ABHD13: variants seen among roughly 807,000 people sequenced by gnomAD.
The protein encoded by ABHD13 is abhydrolase domain containing 13.
Under a neutral mutation model 25.2 loss-of-function variants are expected in ABHD13, and 7 were observed. The ratio of observed to expected loss-of-function variants is 0.28; its 90% CI spans 0.16 to 0.52. ABHD13 has a LOEUF of 0.52. ABHD13 is among the 20% of genes least tolerant of loss of function. The pLI is 0.96. For missense variants in ABHD13, 302 were observed against 402.7 expected (o/e 0.75, Z 2.14); for synonymous variants, 133 against 136.1 (o/e 0.98, Z 0.16).
rs1328924618 is a variant in ABHD13, at chr13:108,227,322, G to T, written c.-20-1877G>T. ...TATGTAATTAGATTATTTTAAAAAT[G>T]TTTTAGTCGTAAGTATATATAAAGT... On this transcript the variant is annotated intron_variant, in intron 1 of 1. Coordinates refer to ENST00000375898, the MANE Select transcript of ABHD13 (RefSeq NM_032859.3). 3.3e-5 allele frequency among the ~76,000 whole-genome samples: 5 copies of T among 151,938 alleles called. No individual in the cohort carries two copies. The South Asian group carries it at 8.3e-4, about 25-fold the overall frequency.
chr13:108,220,978 A>T (rs920440767), intron 1 of ABHD13, among the ~76,000 whole-genome samples: 3 of 152,260 alleles, frequency 2.0e-5, no homozygotes, highest in Admixed American at 2.0e-4. Flanking sequence ...TTATAATCTC[A>T]GAACAAATTG....
At chr13:108,221,511 C>T (rs374885816) in intron 1 of ABHD13, among the ~76,000 whole-genome samples, 2 of 152,114 alleles carry the variant, frequency 1.3e-5, no homozygotes, top group Non-Finnish European at 2.9e-5. Context: ...ATGTGGATGT[C>T]GGCATTGACA....
chr13:108,229,434 C>T lies in ABHD13; in HGVS notation c.216C>T (p.Ser72=), dbSNP rs142014790. 10 of 1,612,960 alleles carry T rather than the reference C, an allele frequency of 6.2e-6. No individual in the cohort carries two copies. The African/African-American group carries it at 1.2e-4, about 19-fold the overall frequency. ...DVLLYFPEQP[S]SSRLYVPMPT... ...TGCTTTATTTTCCAGAACAGCCATC[C>T]TCTTCACGTCTTTATGTTCCCATGC... The change falls in exon 2 of 2, where the codon TCC becomes TCT. Residue 72 remains serine (S), a synonymous_variant. Coordinates refer to ENST00000375898, the MANE Select transcript of ABHD13 (RefSeq NM_032859.3). This position sits in a 1 kb window ranked among gnomAD's most constrained non-coding sequence, Gnocchi z 4.7.
intron 1 of ABHD13, among the ~76,000 whole-genome samples, chr13:108,222,694 G>C (rs940790795): frequency 3.3e-5 from 5 of 152,104 alleles, no homozygotes; most frequent in African/African-American, 1.2e-4. Flanking sequence ...AGTTTATAAA[G>C]TGTATAAATT....
At chr13:108,221,492 T>G (rs1042605927) in intron 1 of ABHD13, among the ~76,000 whole-genome samples, 1 of 152,214 alleles carries the variant, frequency 6.6e-6, no homozygotes, top group Non-Finnish European at 1.5e-5. Flanking sequence ...GTCCTCATTC[T>G]CTGCTGGGAT....
chr13:108,227,294 G>C (rs1594490915), intron 1 of ABHD13, among the ~76,000 whole-genome samples: 1 of 151,696 alleles, frequency 6.6e-6, no homozygotes, highest in African/African-American at 2.4e-5. Flanking sequence ...TGAATAATTC[G>C]TATATGTAAT....
Position 108,230,328 on chromosome 13 carries a change from G to A in ABHD13, c.*96G>A. On this transcript the variant is annotated 3_prime_UTR_variant, in exon 2 of 2. Coordinates refer to ENST00000375898, the MANE Select transcript of ABHD13 (RefSeq NM_032859.3). ...TGTGTTATGTCTGTACCTGTCTGAA[G>A]AGTGACATTAAACTTTGAAAGGACT... The A allele has an allele frequency of 9.1e-7, 1 of 1,097,438 alleles. No homozygotes were observed. The highest frequency in any genetic ancestry group is 1.3e-6 in the Non-Finnish European group (1 of 788,000). 68.0% of individuals were successfully genotyped at this position (1,097,438 alleles called of 1,614,324 possible).
intron 1 of ABHD13, among the ~76,000 whole-genome samples, chr13:108,220,502 GC>G (rs1879545104): frequency 6.6e-6 from 1 of 152,140 alleles, no homozygotes; most frequent in South Asian, 2.1e-4. Flanking sequence ...TTGTTTAGTT[GC>G]CCCAGGAAAG....
chr13:108,219,731 G>A (rs1026198954), intron 1 of ABHD13, among the ~76,000 whole-genome samples: 2 of 152,200 alleles, frequency 1.3e-5, no homozygotes, highest in African/African-American at 4.8e-5. Flanking sequence ...GTGTAAGCAG[G>A]TTAATTACGC....
In ABHD13 at chr13:108,229,422, A is replaced by G; in HGVS notation, c.204A>G (p.Pro68=). Residue 68 remains proline, a synonymous_variant, in exon 2 of 2, where the codon CCA becomes CCG. Transcript: ENST00000375898. This position sits in a 1 kb window ranked among gnomAD's most constrained non-coding sequence, Gnocchi z 4.7. ...TCCAGGATGTATTGCTTTATTTTCC[A>G]GAACAGCCATCCTCTTCACGTCTTT... The part of the protein sequence containing the change: ...YKFQDVLLYF[P]EQPSSSRLYV... The G allele has an allele frequency of 1.2e-6, 2 of 1,612,664 alleles. No homozygotes were observed. Among genetic ancestry groups the G allele is most frequent in the Non-Finnish European group, 1.7e-6 (2 of 1,179,290 alleles).
intron 1 of ABHD13, among the ~76,000 whole-genome samples, chr13:108,227,713 T>C (rs1009538994): frequency 6.6e-6 from 1 of 152,058 alleles, no homozygotes; most frequent in Admixed American, 6.6e-5. Context: ...TTATTAATCT[T>C]ACTTGATACT....
rs1245201570 is a variant in ABHD13 at position 108,229,707 on chromosome 13, A to C, written c.489A>C (p.Glu163Asp). Residue 163 changes from glutamate to aspartate, a missense_variant, in exon 2 of 2, where the codon GAA becomes GAC. Coordinates refer to ENST00000375898, the MANE Select transcript of ABHD13 (RefSeq NM_032859.3). The surrounding 1 kb of genome is among the most constrained non-coding windows in gnomAD (Gnocchi z 4.7). ...YGKSEGEASE[E>D]GLYLDSEAVL... is the part of the protein sequence containing the mutation. ...AAAGTGAAGGAGAAGCAAGTGAAGA[A>C]GGACTCTACTTAGATTCTGAAGCTG... 6.2e-7 allele frequency: 1 copy of C among 1,613,264 alleles called. No homozygotes were observed. The highest frequency in any genetic ancestry group is 8.5e-7 in the Non-Finnish European group (1 of 1,179,558).
chr13:108,219,167 G>A (rs1038574137), intron 1 of ABHD13, among the ~76,000 whole-genome samples: 1 of 152,036 alleles, frequency 6.6e-6, no homozygotes. Context: ...ATCTAATCAC[G>A]ACAGTAACAG....
Position 108,230,214 on chromosome 13 carries a change from T to A in ABHD13, c.996T>A (p.Ser332=), listed in dbSNP as rs1192873099. The A allele has an allele frequency of 5.0e-6, 8 of 1,595,386 alleles. No individual in the cohort carries two copies. The highest frequency in any genetic ancestry group is 6.8e-6 in the Non-Finnish European group (8 of 1,171,540). The change falls in exon 2 of 2, where the codon TCT becomes TCA. Residue 332 remains serine, a synonymous_variant. Coordinates refer to ENST00000375898, the MANE Select transcript of ABHD13 (RefSeq NM_032859.3). ...HSPEEMAKTS[S]NVTII ...CTGAAGAAATGGCAAAAACTTCATC[T>A]AATGTAACAATTATATAATGTTTCC...
At chr13:108,224,457 G>A (rs1424569227) in intron 1 of ABHD13, among the ~76,000 whole-genome samples, 1 of 152,208 alleles carries the variant, frequency 6.6e-6, no homozygotes, top group Non-Finnish European at 1.5e-5. Flanking sequence ...ACCATTCGTA[G>A]TGGGCATGAC....
chr13:108,222,827 A>G (rs1224122268), intron 1 of ABHD13, among the ~76,000 whole-genome samples: 1 of 152,244 alleles, frequency 6.6e-6, no homozygotes, highest in Non-Finnish European at 1.5e-5. Context: ...GTGTGGGATT[A>G]TATTTTTGTA....
rs2139005067 is a variant in ABHD13, at chr13:108,218,489, A to T, written c.-191A>T. 1 of 151,272 alleles carries T rather than the reference A, an allele frequency of 6.6e-6. No individual in the cohort carries two copies. The highest frequency in any genetic ancestry group is 2.0e-4 in the East Asian group (1 of 5,030). The allele number at this position is 151,272 out of a possible 1,614,324, so 9.4% of individuals were successfully genotyped here. A position where few individuals can be genotyped will look rare whatever the true frequency, so the allele number is the denominator to read the frequency against. ...CCGGCGACACCCGAGCGGGGGCCGG[A>T]AGTGGGGCCACAGCTCGCAGCAGGA... On this transcript the variant is annotated 5_prime_UTR_variant, in exon 1 of 2. Transcript: ENST00000375898.
Position 108,229,650 on chromosome 13 carries a change from C to T in ABHD13, c.432C>T (p.Asn144=), listed in dbSNP as rs367859474. The change falls in exon 2 of 2, where the codon AAC becomes AAT. Residue 144 remains asparagine (N), a synonymous_variant. Coordinates refer to ENST00000375898, the MANE Select transcript of ABHD13 (RefSeq NM_032859.3). The surrounding 1 kb of genome is among the most constrained non-coding windows in gnomAD (Gnocchi z 4.7). ...TTATGTTGGTTAACCTCAAAGTTAA[C>T]CTTTTGCTGGTTGATTATCGAGGAT... The part of the protein sequence containing the change: ...ALLMLVNLKV[N]LLLVDYRGYG... The T allele has an allele frequency of 6.2e-7, 1 of 1,613,262 alleles. No individual in the cohort carries two copies. Among genetic ancestry groups the T allele is most frequent in the East Asian group, 2.2e-5 (1 of 44,860 alleles).
chr13:108,233,035 C>T lies in ABHD13; in HGVS notation c.*2803C>T, dbSNP rs1210464653. The T allele has an allele frequency of 1.2e-5, 2 of 166,832 alleles. No homozygotes were observed. Among genetic ancestry groups the T allele is most frequent in the Non-Finnish European group, 2.9e-5 (2 of 67,986 alleles). 10.3% of individuals were successfully genotyped at this position (166,832 alleles called of 1,614,324 possible). Reference sequence around the variant, plus strand: ...AACAAAAAGTGACTGGAGCACTTGCCATTGCAACAACCCTGTTTTTGCAAT... The same window carrying T: ...AACAAAAAGTGACTGGAGCACTTGCTATTGCAACAACCCTGTTTTTGCAAT... On this transcript the variant is annotated 3_prime_UTR_variant, in exon 2 of 2. Transcript: ENST00000375898.
Sources: gnomAD v4.1 joint callset for allele counts (sites outside exome capture counted in the v4.1 genomes callset) on GRCh38, gnomAD v4.1.1 for gene constraint, Gnocchi (gnomAD v3.1) non-coding constraint, MANE v1.5 for transcripts, NCBI Gene and HGNC (gene_info 2026-07-23, HGNC 2026-07-21) for gene names.